The following PLXNA2 variants were observed in gnomAD, a reference collection of about 807,000 sequenced individuals.
PLXNA2 encodes the protein plexin A2, also known as plexin-A2.
Under a neutral mutation model 193.5 loss-of-function variants are expected in PLXNA2, and 91 were observed. The ratio of observed to expected loss-of-function variants is 0.47; its 90% CI spans 0.40 to 0.56. The LOEUF (loss-of-function observed/expected upper bound fraction) is 0.56, where lower values mean the gene tolerates loss of function less well. Among genes scored for constraint, PLXNA2 ranks in the 20% least tolerant of loss-of-function variants. The probability of loss-of-function intolerance (pLI) is 0.00; values close to 1 mark genes in which losing one functional copy is unlikely to be tolerated. For missense variants in PLXNA2, 1,995 were observed against 2,503.2 expected (o/e 0.80, Z 4.33); for synonymous variants, 997 against 1,027.3 (o/e 0.97, Z 0.56).
intron 13 of PLXNA2, among the ~76,000 whole-genome samples, chr1:208,057,862 G>T (rs894143798): frequency 6.6e-6 from 1 of 152,160 alleles, no homozygotes; most frequent in Admixed American, 6.5e-5. Context: ...ATTCCATGGG[G>T]CATACCATTT....
intron 9 of PLXNA2, among the ~76,000 whole-genome samples, chr1:208,091,760 C>T (rs1282529203): frequency 6.6e-6 from 1 of 151,698 alleles, no homozygotes; most frequent in Non-Finnish European, 1.5e-5. Context: ...GTCCCAGCTA[C>T]TCAGGTGGCT....
intron 10 of PLXNA2, among the ~76,000 whole-genome samples, chr1:208,083,171 C>T (rs1666402534): frequency 6.6e-6 from 1 of 152,166 alleles, no homozygotes; most frequent in African/African-American, 2.4e-5. Context: ...GGAGAAGTGC[C>T]CACAGCTTTC....
At chr1:208,121,182 T>A (rs1667796244) in intron 4 of PLXNA2, among the ~76,000 whole-genome samples, 1 of 152,024 alleles carries the variant, frequency 6.6e-6, no homozygotes, top group Admixed American at 6.5e-5. Flanking sequence ...CTAAGTAAGG[T>A]CCACCATGAG....
intron 1 of PLXNA2, among the ~76,000 whole-genome samples, chr1:208,238,383 T>A (rs1248615648): frequency 6.6e-6 from 1 of 152,216 alleles, no homozygotes; most frequent in Admixed American, 6.5e-5. Context: ...TTGTTTTTCT[T>A]CTTTCTTTTC....
chr1:208,081,581 T>G (rs531301924), intron 11 of PLXNA2, among the ~76,000 whole-genome samples: 1 of 152,342 alleles, frequency 6.6e-6, no homozygotes, highest in South Asian at 2.1e-4. Context: ...ACTGTCTTGG[T>G]TCCAATCCCA....
At chr1:208,106,069 AT>A (rs5780430) in intron 4 of PLXNA2, among the ~76,000 whole-genome samples, 48 of 145,496 alleles carry the variant, frequency 3.3e-4, no homozygotes, top group African/African-American at 7.1e-4. Context: ...CCTCCTGGTG[AT>A]TTTTTTTTTT....
chr1:208,180,207 A>G (rs1669796911), intron 3 of PLXNA2, among the ~76,000 whole-genome samples: 1 of 149,266 alleles, frequency 6.7e-6, no homozygotes, highest in African/African-American at 2.5e-5. Flanking sequence ...TGTTAAAGTC[A>G]TTAAGGCTGG....
At chr1:208,045,539 G>A (rs1665031914) in intron 18 of PLXNA2, among the ~76,000 whole-genome samples, 1 of 152,150 alleles carries the variant, frequency 6.6e-6, no homozygotes, top group African/African-American at 2.4e-5. Flanking sequence ...ACAGTGCCAG[G>A]GACTGTGACC....
At chr1:208,111,711 G>T (rs1667481811) in intron 4 of PLXNA2, among the ~76,000 whole-genome samples, 3 of 152,140 alleles carry the variant, frequency 2.0e-5, no homozygotes, top group African/African-American at 7.2e-5. Context: ...TTAATGTGAA[G>T]AACTCATTAT....
At chr1:208,171,701 A>G (rs535428538) in intron 3 of PLXNA2, among the ~76,000 whole-genome samples, 7 of 152,148 alleles carry the variant, frequency 4.6e-5, no homozygotes, top group Non-Finnish European at 7.4e-5. Flanking sequence ...ATAAATTTTT[A>G]AAATTAGCCA....
At chr1:208,065,934 T>G (rs1298809114) in intron 12 of PLXNA2, among the ~76,000 whole-genome samples, 2 of 152,112 alleles carry the variant, frequency 1.3e-5, no homozygotes, top group Non-Finnish European at 2.9e-5. Context: ...CATTCTGGGG[T>G]AGGTGCAGCA....
In PLXNA2 at chr1:208,046,133, CGCA is replaced by C; in HGVS notation, c.3256-19_3256-17del. 1 of 1,608,882 alleles carries C rather than the reference CGCA, an allele frequency of 6.2e-7. No homozygotes were observed. Among genetic ancestry groups the C allele is most frequent in the Non-Finnish European group, 8.5e-7 (1 of 1,176,058 alleles). ...CTTTACACACCTAAGAGATCCAGAG[CGCA>C]GCATTCACACACGGAGTGCCTGGCA... On this transcript the variant is annotated splice_polypyrimidine_tract_variant and intron_variant, in intron 17 of 31. Coordinates refer to ENST00000367033, the MANE Select transcript of PLXNA2 (RefSeq NM_025179.4).
chr1:208,229,402 A>G (rs542885725), intron 1 of PLXNA2, among the ~76,000 whole-genome samples: 2 of 152,232 alleles, frequency 1.3e-5, no homozygotes, highest in African/African-American at 4.8e-5. Context: ...ACTTTCACTC[A>G]GTATTGTGTT....
At chr1:208,143,254 C>G (rs921350143) in intron 3 of PLXNA2, among the ~76,000 whole-genome samples, 18 of 152,160 alleles carry the variant, frequency 1.2e-4, no homozygotes, top group African/African-American at 4.3e-4. Context: ...TAATGAGTAG[C>G]CAGGGTCGAG....
chr1:208,086,460 G>T (rs1367122212), intron 9 of PLXNA2, among the ~76,000 whole-genome samples: 4 of 152,064 alleles, frequency 2.6e-5, no homozygotes, highest in South Asian at 4.2e-4. Flanking sequence ...TTCTAAAGTG[G>T]CATGTCCACA....
chr1:208,065,620 C>T (rs911982737), intron 12 of PLXNA2, among the ~76,000 whole-genome samples: 7 of 152,292 alleles, frequency 4.6e-5, no homozygotes, highest in Non-Finnish European at 7.4e-5. Flanking sequence ...TCTTCCTATC[C>T]GTCTGGAAGG....
chr1:208,070,013 G>T (rs12094094), intron 12 of PLXNA2, among the ~76,000 whole-genome samples: 40,895 of 152,088 alleles, frequency 0.27, 5,640 homozygotes, highest in East Asian at 0.37. Flanking sequence ...CTTCTTGAAG[G>T]TTCCACAGTG....
intron 9 of PLXNA2, among the ~76,000 whole-genome samples, chr1:208,090,514 G>T (rs922418080): frequency 6.6e-6 from 1 of 152,160 alleles, no homozygotes; most frequent in Non-Finnish European, 1.5e-5. Flanking sequence ...TGTGAGGAAG[G>T]CCGGGCCTGC....
chr1:208,083,160 G>A (rs1558182957), intron 10 of PLXNA2, among the ~76,000 whole-genome samples: 2 of 152,154 alleles, frequency 1.3e-5, no homozygotes, highest in South Asian at 2.1e-4. Flanking sequence ...TGGTCCACTA[G>A]GGAGAAGTGC....
Sources: allele counts gnomAD v4.1 joint callset (sites outside exome capture counted in the v4.1 genomes callset), GRCh38; gene constraint gnomAD v4.1.1; transcripts MANE v1.5; gene names NCBI Gene and HGNC (gene_info 2026-07-23, HGNC 2026-07-21).